Variants in DLEU7 observed in about 807,000 individuals in gnomAD.
The protein encoded by DLEU7 is deleted in lymphocytic leukemia 7.
A neutral mutation model predicts 16.0 loss-of-function variants in DLEU7; 17 were observed. The ratio of observed to expected loss-of-function variants is 1.06; its 90% CI spans 0.73 to 1.59. The LOEUF (loss-of-function observed/expected upper bound fraction) is 1.59, where lower values mean the gene tolerates loss of function less well. DLEU7 is among the 40% of genes most tolerant of loss of function. DLEU7 has a pLI of 0.00. For synonymous variants in DLEU7, 113 were observed against 139.8 expected (o/e 0.81, Z 1.35); for missense variants, 308 against 314.9 (o/e 0.98, Z 0.17).
upstream of DLEU7, chr13:50,843,884 C>G: frequency 1.9e-6 from 1 of 514,882 alleles, no homozygotes; most frequent in Non-Finnish European, 3.3e-6. This position sits in a 1 kb window ranked among gnomAD's most constrained non-coding sequence, Gnocchi z 5.7. Flanking sequence ...AAGCGCTGCT[C>G]GGTGTGCACT....
chr13:50,822,700 C>G (rs1876952030), downstream of DLEU7: 1 of 985,282 alleles, frequency 1.0e-6, no homozygotes, highest in Non-Finnish European at 1.2e-6. Flanking sequence ...TCATAGCTCA[C>G]TATCACTTTA....
intron 1 of DLEU7, among the ~76,000 whole-genome samples, 186 bp from the exon 2 acceptor site, chr13:50,823,706 C>T (rs1375918710): frequency 1.3e-5 from 2 of 152,146 alleles, no homozygotes; most frequent in African/African-American, 4.8e-5. Context: ...AACTCCAGGG[C>T]CCAGGCCAAT....
At chr13:50,742,830 A>G (rs943679495) in intron 1 of DLEU7, among the ~76,000 whole-genome samples, 4 of 152,224 alleles carry the variant, frequency 2.6e-5, no homozygotes, top group African/African-American at 9.6e-5. Flanking sequence ...CTGTTTCCCA[A>G]TAAAACATAA....
chr13:50,752,672 G>A (rs544894229), intron 1 of DLEU7, among the ~76,000 whole-genome samples: 9 of 151,868 alleles, frequency 5.9e-5, no homozygotes, highest in African/African-American at 1.4e-4. Context: ...CGGCGCGTCT[G>A]GAGTTGTTCA....
At chr13:50,778,583 T>C (rs1875567059) in intron 1 of DLEU7, among the ~76,000 whole-genome samples, 1 of 152,228 alleles carries the variant, frequency 6.6e-6, no homozygotes. Flanking sequence ...GCTGTTGTCT[T>C]TTTGTGAAGA....
chr13:50,766,553 C>T (rs1875116458), intron 1 of DLEU7, among the ~76,000 whole-genome samples: 1 of 152,082 alleles, frequency 6.6e-6, no homozygotes, highest in African/African-American at 2.4e-5. Flanking sequence ...GAATCTCTCT[C>T]TTTCCCTCAT....
At chr13:50,820,279 G>T (rs183470501), downstream of DLEU7, among the ~76,000 whole-genome samples, 80 of 151,712 alleles carry the variant, frequency 5.3e-4, no homozygotes, top group Non-Finnish European at 1.1e-3. Context: ...ATTCCAATGA[G>T]TTTTGCTGTT....
At chr13:50,754,738 G>GT (rs1185442700) in intron 1 of DLEU7, among the ~76,000 whole-genome samples, 1 of 152,054 alleles carries the variant, frequency 6.6e-6, no homozygotes, top group Admixed American at 6.6e-5. Flanking sequence ...GTGTACCTTG[G>GT]TTTTTTTGTT....
At chr13:50,836,979 G>T (rs1877491017) in intron 1 of DLEU7, among the ~76,000 whole-genome samples, 1 of 152,128 alleles carries the variant, frequency 6.6e-6, no homozygotes, top group African/African-American at 2.4e-5. Context: ...TCAACATCTG[G>T]CTTTGAACCA....
rs886290597 is a variant in DLEU7 at position 50,843,368 on chromosome 13, G to C, written c.279C>G (p.Gly93=). The change falls in exon 1 of 2, where the codon GGC becomes GGG. Residue 93 remains glycine (G), a synonymous_variant. Coordinates refer to ENST00000504404, the MANE Select transcript of DLEU7 (RefSeq NM_001306135.2). The surrounding 1 kb of genome is among the most constrained non-coding windows in gnomAD (Gnocchi z 5.7). ...ANSPEEEVVR[G]AEGGAELLPF... Reference sequence around the variant, plus strand: ...GCAGCAACTCGGCGCCCCCCTCAGCGCCTCGCACTACCTCCTCCTCTGGGG... The same window carrying C: ...GCAGCAACTCGGCGCCCCCCTCAGCCCCTCGCACTACCTCCTCCTCTGGGG... 8 of 1,419,576 alleles carry C rather than the reference G, an allele frequency of 5.6e-6. No homozygotes were observed. Among genetic ancestry groups the C allele is most frequent in the South Asian group, 1.5e-5 (1 of 66,502 alleles). The allele number at this position is 1,419,576 out of a possible 1,614,324, so 87.9% of individuals were successfully genotyped here. A position where few individuals can be genotyped will look rare whatever the true frequency, so the allele number is the denominator to read the frequency against.
chr13:50,752,667 C>T lies in DLEU7; in HGVS notation c.460-39427G>A, dbSNP rs577525515. Among the ~76,000 whole-genome samples, 33 of 151,546 alleles carry T rather than the reference C, an allele frequency of 2.2e-4. No homozygotes were observed. In the South Asian group the frequency reaches 2.5e-3, roughly 12 times the overall value. The stretch of plus-strand genomic sequence containing the variant: ...GAGTGTTACAGCTCTTAAGGCGGCG[C>T]GTCTGGAGTTGTTCATTCCTGCCAG... On this transcript the variant is annotated intron_variant, in intron 1 of 1. Coordinates refer to the DLEU7 transcript ENST00000400393.
At chr13:50,773,148 A>T (rs907470610) in intron 1 of DLEU7, among the ~76,000 whole-genome samples, 2 of 152,072 alleles carry the variant, frequency 1.3e-5, no homozygotes, top group African/African-American at 4.8e-5. Context: ...TATGCTGTTT[A>T]TTCTAGTTAG....
chr13:50,748,533 G>T (rs1256913102), intron 1 of DLEU7, among the ~76,000 whole-genome samples: 1 of 152,014 alleles, frequency 6.6e-6, no homozygotes, highest in African/African-American at 2.4e-5. Flanking sequence ...ATGGCTTTTG[G>T]AACAAATAAA....
intron 1 of DLEU7, among the ~76,000 whole-genome samples, chr13:50,716,519 C>T (rs529050056): frequency 1.3e-5 from 2 of 152,302 alleles, no homozygotes; most frequent in Admixed American, 6.5e-5. Flanking sequence ...CTACCTTTTC[C>T]GTGATGTCAC....
At chr13:50,811,601 A>C (rs1404296969) in intron 1 of DLEU7, among the ~76,000 whole-genome samples, 3 of 152,166 alleles carry the variant, frequency 2.0e-5, no homozygotes, top group Non-Finnish European at 4.4e-5. Flanking sequence ...TGGGTTTAGC[A>C]TTGAGGCTCC....
intron 1 of DLEU7, among the ~76,000 whole-genome samples, chr13:50,788,313 T>C (rs1875851823): frequency 6.6e-6 from 1 of 152,098 alleles, no homozygotes; most frequent in South Asian, 2.1e-4. Context: ...AGCCTCCTCT[T>C]AGAGAGGGGG....
chr13:50,735,182 G>GACAATACCACA (rs1462300970), intron 1 of DLEU7, among the ~76,000 whole-genome samples: 2 of 152,122 alleles, frequency 1.3e-5, no homozygotes, highest in Non-Finnish European at 2.9e-5. Flanking sequence ...GGAAGAAATA[G>GACAATACCACA]ACAATACCAC....
intron 1 of DLEU7, among the ~76,000 whole-genome samples, chr13:50,799,868 A>G (rs114340126): frequency 0.013 from 1,924 of 152,338 alleles, 48 homozygotes; most frequent in African/African-American, 0.044. Context: ...CAATAGCAAC[A>G]GTAGAAGTTT....
At chr13:50,775,552 C>A in intron 1 of DLEU7, among the ~76,000 whole-genome samples, 1 of 152,006 alleles carries the variant, frequency 6.6e-6, no homozygotes, top group East Asian at 1.9e-4. Flanking sequence ...CATGTGTAGA[C>A]TAGGAATCGG....
Sources: allele counts gnomAD v4.1 joint callset (sites outside exome capture counted in the v4.1 genomes callset), GRCh38; gene constraint gnomAD v4.1.1; non-coding constraint Gnocchi (gnomAD v3.1); transcripts MANE v1.5; gene names NCBI Gene and HGNC (gene_info 2026-07-23, HGNC 2026-07-21).